The following QTMAN variants were observed in gnomAD, a reference collection of about 807,000 sequenced individuals.
QTMAN encodes the protein tRNA-queuosine alpha-mannosyltransferase.
chr2:144,279,672 C>T, the QTMAN span, among the ~76,000 whole-genome samples: 2 of 152,254 alleles, frequency 1.3e-5, no homozygotes, highest in South Asian at 2.1e-4. Flanking sequence ...TATCATCATC[C>T]TAAAACTTTT....
chr2:144,207,169 A>C, the QTMAN span, among the ~76,000 whole-genome samples: 4 of 152,222 alleles, frequency 2.6e-5, no homozygotes, highest in Admixed American at 6.5e-5. Flanking sequence ...ACATTAAATC[A>C]TGTAAAGAAG....
At chr2:144,236,377 G>C in the QTMAN span, among the ~76,000 whole-genome samples, 48 of 152,254 alleles carry the variant, frequency 3.2e-4, no homozygotes, top group African/African-American at 1.1e-3. Flanking sequence ...GCCATGCACA[G>C]TCTTGAAGAG....
At chr2:144,318,227 A>ACACG in the QTMAN span, among the ~76,000 whole-genome samples, 1 of 152,032 alleles carries the variant, frequency 6.6e-6, no homozygotes, top group East Asian at 1.9e-4. Context: ...ACACACACAC[A>ACACG]CACACAAATT....
chr2:143,969,800 G>A, the QTMAN span, among the ~76,000 whole-genome samples: 1 of 152,186 alleles, frequency 6.6e-6, no homozygotes, highest in Non-Finnish European at 1.5e-5. Context: ...GGCAAAAGAT[G>A]AGCCATATGA....
the QTMAN span, among the ~76,000 whole-genome samples, chr2:144,080,087 T>C: frequency 6.6e-6 from 1 of 152,120 alleles, no homozygotes; most frequent in African/African-American, 2.4e-5. Flanking sequence ...ACTGCTGCTG[T>C]ATTGGTAATA....
chr2:144,030,259 G>C, the QTMAN span, among the ~76,000 whole-genome samples: 1 of 152,014 alleles, frequency 6.6e-6, no homozygotes. Context: ...CAATCTCCTT[G>C]GGACAAATTC....
chr2:144,293,357 T>C, the QTMAN span, among the ~76,000 whole-genome samples: 1 of 152,344 alleles, frequency 6.6e-6, no homozygotes, highest in South Asian at 2.1e-4. Flanking sequence ...CTTCCTTGAT[T>C]GGAAAAGCTC....
At chr2:144,103,387 C>A in the QTMAN span, among the ~76,000 whole-genome samples, 1 of 152,142 alleles carries the variant, frequency 6.6e-6, no homozygotes, top group African/African-American at 2.4e-5. Flanking sequence ...ATTCATGCAA[C>A]AAATAATTCT....
At chr2:144,051,667 G>A in the QTMAN span, among the ~76,000 whole-genome samples, 1 of 152,152 alleles carries the variant, frequency 6.6e-6, no homozygotes, top group Admixed American at 6.5e-5. Context: ...AAAGAGGGTG[G>A]ATGATACAAA....
chr2:143,993,502 A>G, the QTMAN span, among the ~76,000 whole-genome samples: 1 of 152,086 alleles, frequency 6.6e-6, no homozygotes, highest in South Asian at 2.1e-4. Context: ...ATCCAATTGC[A>G]TGTATTCTTA....
At chr2:144,269,645 C>T in the QTMAN span, among the ~76,000 whole-genome samples, 1 of 151,768 alleles carries the variant, frequency 6.6e-6, no homozygotes, top group African/African-American at 2.4e-5. Context: ...TCTAATGAAA[C>T]ATTCCAAAAT....
chr2:144,221,807 T>TA, the QTMAN span, among the ~76,000 whole-genome samples: 1 of 152,202 alleles, frequency 6.6e-6, no homozygotes, highest in Non-Finnish European at 1.5e-5. Flanking sequence ...GGGTTAAAAC[T>TA]AATAGTGCTA....
At chr2:144,312,459 C>G in the QTMAN span, among the ~76,000 whole-genome samples, 2 of 152,062 alleles carry the variant, frequency 1.3e-5, no homozygotes, top group African/African-American at 2.4e-5. Flanking sequence ...ACCACTTGCA[C>G]GACAAAAAAA....
the QTMAN span, among the ~76,000 whole-genome samples, chr2:144,196,011 T>C: frequency 3.3e-3 from 505 of 152,256 alleles, 2 homozygotes; most frequent in African/African-American, 0.011. Context: ...GCAGTGATCC[T>C]CTTACAAAAT....
chr2:144,008,276 G>A, the QTMAN span, among the ~76,000 whole-genome samples: 1 of 151,946 alleles, frequency 6.6e-6, no homozygotes, highest in Non-Finnish European at 1.5e-5. Flanking sequence ...CACAAGAACA[G>A]CCAACTAACC....
the QTMAN span, among the ~76,000 whole-genome samples, chr2:144,187,330 G>A: frequency 3.9e-5 from 6 of 152,276 alleles, no homozygotes; most frequent in African/African-American, 7.2e-5. Flanking sequence ...AAATAAAACC[G>A]AAGAAGCATC....
the QTMAN span, among the ~76,000 whole-genome samples, chr2:144,142,544 T>C: frequency 6.6e-6 from 1 of 151,972 alleles, no homozygotes; most frequent in Non-Finnish European, 1.5e-5. Flanking sequence ...TAAGGCACGA[T>C]ACCTTCGGCA....
At chr2:144,307,018 GGGC>G in the QTMAN span, among the ~76,000 whole-genome samples, 32 of 151,816 alleles carry the variant, frequency 2.1e-4, no homozygotes, top group East Asian at 6.0e-3. Flanking sequence ...AAAATTAGCT[GGGC>G]GTGGTGGTGC....
the QTMAN span, among the ~76,000 whole-genome samples, chr2:144,274,756 T>A: frequency 6.6e-6 from 1 of 152,176 alleles, no homozygotes; most frequent in South Asian, 2.1e-4. Context: ...GAAACATAAG[T>A]GTTTCCCTGA....
Sources: allele counts gnomAD v4.1 joint callset (sites outside exome capture counted in the v4.1 genomes callset), GRCh38; gene constraint gnomAD v4.1.1; transcripts MANE v1.5; gene names NCBI Gene and HGNC (gene_info 2026-07-23, HGNC 2026-07-21).